CNTNAP2: variants seen among roughly 807,000 people sequenced by gnomAD.
CNTNAP2 encodes the protein contactin associated protein 2, also known as contactin-associated protein-like 2.
Under a neutral mutation model 155.2 loss-of-function variants are expected in CNTNAP2, and 98 were observed. The observed-to-expected ratio is 0.63, with a 90% CI of 0.54 to 0.75. CNTNAP2 has a LOEUF of 0.75. Ranked by LOEUF, CNTNAP2 falls within the 30% of genes least tolerant of loss-of-function variation. The pLI, the probability that CNTNAP2 is intolerant of heterozygous loss-of-function variation, is 0.00. For synonymous variants in CNTNAP2, 651 were observed against 631.2 expected, an observed-to-expected ratio of 1.03 and a Z score of -0.47; for missense variants, 1,727 against 1,688.1, an observed-to-expected ratio of 1.02 and a Z score of -0.40.
chr7:147,876,896 A>C (rs576039284), intron 13 of CNTNAP2, among the ~76,000 whole-genome samples: 1 of 152,012 alleles, frequency 6.6e-6, no homozygotes, highest in Non-Finnish European at 1.5e-5. Context: ...GCATCCTTGT[A>C]AGGGAATGTG....
chr7:148,287,264 T>C (rs986168800), intron 21 of CNTNAP2, among the ~76,000 whole-genome samples: 1 of 152,262 alleles, frequency 6.6e-6, no homozygotes, highest in Non-Finnish European at 1.5e-5. Context: ...ATCATTTCTT[T>C]TGATTGATAA....
intron 9 of CNTNAP2, among the ~76,000 whole-genome samples, chr7:147,346,072 T>C (rs1795850742): frequency 6.6e-6 from 1 of 152,190 alleles, no homozygotes; most frequent in Admixed American, 6.5e-5. Flanking sequence ...GAAAACTAAA[T>C]ATGACATTGT....
rs187305030 is a variant in CNTNAP2 at position 147,531,135 on chromosome 7, A to G, written c.1778-31003A>G. On this transcript the variant is annotated intron_variant, in intron 11 of 23. Coordinates refer to ENST00000361727, the MANE Select transcript of CNTNAP2 (RefSeq NM_014141.6). ...CTCCTCCCCTATGGCTTTACAGGGT[A>G]CAGCCTCCTTCCCAGATGTTTCATG... Among the ~76,000 whole-genome samples the G allele has an allele frequency of 2.1e-4, 32 of 152,220 alleles. No individual in the cohort carries two copies. The East Asian group carries it at 6.2e-3, about 30-fold the overall frequency.
intron 1 of CNTNAP2, among the ~76,000 whole-genome samples, chr7:146,587,797 T>A (rs533001177): frequency 6.6e-6 from 1 of 152,074 alleles, no homozygotes; most frequent in East Asian, 1.9e-4. Context: ...CTCAGCCTCC[T>A]GAGTAGCCTC....
intron 2 of CNTNAP2, among the ~76,000 whole-genome samples, chr7:146,794,639 T>A (rs1160388809): frequency 4.6e-5 from 7 of 152,196 alleles, no homozygotes; most frequent in Admixed American, 4.6e-4. Context: ...GTCTGTTGTA[T>A]GTAGTGAAGC....
chr7:146,554,204 A>C (rs537560947), intron 1 of CNTNAP2, among the ~76,000 whole-genome samples: 14 of 152,262 alleles, frequency 9.2e-5, no homozygotes, highest in African/African-American at 3.4e-4. Context: ...CTCGGCATAT[A>C]GCTCTGCCAG....
intron 8 of CNTNAP2, among the ~76,000 whole-genome samples, chr7:147,241,635 G>T (rs927889590): frequency 8.4e-6 from 1 of 118,658 alleles, no homozygotes; most frequent in East Asian, 2.4e-4. Flanking sequence ...CTCAAAAAAA[G>T]GAAAAAAAAA....
At chr7:147,275,131 T>C (rs1804866976) in intron 8 of CNTNAP2, among the ~76,000 whole-genome samples, 1 of 152,176 alleles carries the variant, frequency 6.6e-6, no homozygotes, top group Non-Finnish European at 1.5e-5. Context: ...AGGATTACTT[T>C]GGCTCTTCGA....
intron 14 of CNTNAP2, among the ~76,000 whole-genome samples, chr7:147,945,537 A>C (rs1459248431): frequency 6.6e-6 from 1 of 152,138 alleles, no homozygotes; most frequent in Non-Finnish European, 1.5e-5. Context: ...AAAGCTTTTT[A>C]TTTGGGACAG....
At chr7:147,968,998 G>T (rs1205673300) in intron 14 of CNTNAP2, among the ~76,000 whole-genome samples, 1 of 152,176 alleles carries the variant, frequency 6.6e-6, no homozygotes, top group East Asian at 1.9e-4. Context: ...TCATTTCAAA[G>T]TTACTTTCCT....
At chr7:147,628,736 T>C (rs1447504640) in intron 12 of CNTNAP2, among the ~76,000 whole-genome samples, 1 of 152,012 alleles carries the variant, frequency 6.6e-6, no homozygotes, top group Non-Finnish European at 1.5e-5. Flanking sequence ...AAGACTCACC[T>C]AACACATAAG....
At chr7:148,094,370 T>G (rs953591078) in intron 15 of CNTNAP2, among the ~76,000 whole-genome samples, 10 of 152,208 alleles carry the variant, frequency 6.6e-5, no homozygotes, top group African/African-American at 1.4e-4. Context: ...AATAATAGTG[T>G]TTTTGGTAAC....
chr7:146,627,432 TG>T (rs1367385598), intron 1 of CNTNAP2, among the ~76,000 whole-genome samples: 1 of 152,170 alleles, frequency 6.6e-6, no homozygotes, highest in Non-Finnish European at 1.5e-5. Context: ...AATTTTGTAC[TG>T]TATCTAGAAA....
At chr7:147,093,927 A>G (rs553349809) in intron 4 of CNTNAP2, among the ~76,000 whole-genome samples, 1 of 152,302 alleles carries the variant, frequency 6.6e-6, no homozygotes, top group Non-Finnish European at 1.5e-5. Context: ...AAAAGGTAAC[A>G]GGTCCCAATT....
intron 1 of CNTNAP2, among the ~76,000 whole-genome samples, chr7:146,555,023 A>C (rs139423465): frequency 1.1e-3 from 166 of 152,338 alleles, no homozygotes; most frequent in African/African-American, 3.8e-3. Context: ...TTTGCCAAAT[A>C]AGAGATAGTG....
At chr7:147,723,133 C>G (rs1294983182) in intron 13 of CNTNAP2, among the ~76,000 whole-genome samples, 5 of 151,960 alleles carry the variant, frequency 3.3e-5, no homozygotes, top group African/African-American at 1.2e-4. Flanking sequence ...TGCCAACTCT[C>G]CTGCTACTGA....
In CNTNAP2 at chr7:146,157,800, T is replaced by A. The variant is rs180791812; in HGVS notation, c.97+40827T>A. ...GCCTGCCTGCCTCTGTAGACTCCACTTCTGGGGGCAGGGCATAGTTGAACA... is the reference window on the plus strand; with the variant it reads ...GCCTGCCTGCCTCTGTAGACTCCACATCTGGGGGCAGGGCATAGTTGAACA... On this transcript the variant is annotated intron_variant, in intron 1 of 23. Coordinates refer to ENST00000361727, the MANE Select transcript of CNTNAP2 (RefSeq NM_014141.6). Among the ~76,000 whole-genome samples, 4 of 152,290 alleles carry A rather than the reference T, an allele frequency of 2.6e-5. No individual in the cohort carries two copies. In the East Asian group the frequency reaches 7.7e-4, roughly 29 times the overall value.
intron 10 of CNTNAP2, among the ~76,000 whole-genome samples, chr7:147,441,969 GC>G (rs775551947): frequency 3.0e-4 from 45 of 151,144 alleles, no homozygotes; most frequent in Non-Finnish European, 5.3e-4. Flanking sequence ...CCTGAAGCCA[GC>G]ACAGCACTGG....
chr7:146,751,407 T>C (rs2129182568), intron 1 of CNTNAP2, among the ~76,000 whole-genome samples: 1 of 152,282 alleles, frequency 6.6e-6, no homozygotes, highest in South Asian at 2.1e-4. Flanking sequence ...ACCTGCTAAA[T>C]TGGAGTGGGA....
Sources: gnomAD v4.1 joint callset for allele counts (sites outside exome capture counted in the v4.1 genomes callset) on GRCh38, gnomAD v4.1.1 for gene constraint, MANE v1.5 for transcripts, NCBI Gene and HGNC (gene_info 2026-07-23, HGNC 2026-07-21) for gene names.